The following ARHGAP6 variants were observed in gnomAD, a reference collection of about 807,000 sequenced individuals.
ARHGAP6 encodes the protein rho GTPase-activating protein 6.
A neutral mutation model predicts 55.7 loss-of-function variants in ARHGAP6; 16 were observed. That is an observed-to-expected ratio of 0.29 (90% CI 0.19 to 0.44). ARHGAP6 has a LOEUF of 0.44. Among genes scored for constraint, ARHGAP6 ranks in the 20% least tolerant of loss-of-function variants. The pLI is 1.00. For missense variants in ARHGAP6, 698 were observed against 808.9 expected (o/e 0.86, Z 1.66); for synonymous variants, 382 against 360.9 (o/e 1.06, Z -0.66).
At chrX:11,189,691 G>A (rs1234475008) in intron 3 of ARHGAP6, among the ~76,000 whole-genome samples, 1 of 111,998 alleles carries the variant, frequency 8.9e-6, no homozygotes, top group East Asian at 2.8e-4. Context: ...TCTGGTGGGA[G>A]GCCCAGGAAA....
intron 2 of ARHGAP6, among the ~76,000 whole-genome samples, chrX:11,225,283 G>A (rs1051117632): frequency 3.6e-5 from 4 of 110,842 alleles, no homozygotes; most frequent in African/African-American, 1.3e-4. Context: ...TCATCTATGT[G>A]CATACTGAAA....
intron 1 of ARHGAP6, among the ~76,000 whole-genome samples, chrX:11,502,566 C>G (rs2050689805): frequency 8.9e-6 from 1 of 112,020 alleles, no homozygotes; most frequent in Non-Finnish European, 1.9e-5. Flanking sequence ...TGATTTTCTC[C>G]TGCCTTTGCC....
chrX:11,344,372 T>C (rs1456627799), intron 1 of ARHGAP6, among the ~76,000 whole-genome samples: 1 of 110,976 alleles, frequency 9.0e-6, no homozygotes, highest in East Asian at 2.8e-4. Context: ...TACAGTAGAA[T>C]CAATTAATAC....
At chrX:11,385,236 C>G (rs187033624) in intron 1 of ARHGAP6, among the ~76,000 whole-genome samples, 1 of 111,373 alleles carries the variant, frequency 9.0e-6, no homozygotes, top group Non-Finnish European at 1.9e-5. Context: ...TCTATCATTT[C>G]TGTTTTCCTT....
chrX:11,609,891 C>A (rs762069186), intron 1 of ARHGAP6, among the ~76,000 whole-genome samples: 1 of 112,137 alleles, frequency 8.9e-6, no homozygotes, highest in East Asian at 2.8e-4. Flanking sequence ...CCAGGCTGGC[C>A]AACCCAGTGT....
intron 1 of ARHGAP6, among the ~76,000 whole-genome samples, chrX:11,340,468 G>A (rs1334632017): frequency 8.9e-6 from 1 of 111,737 alleles, no homozygotes; most frequent in Non-Finnish European, 1.9e-5. Flanking sequence ...AGTGGCTCGC[G>A]CCTGTAATCC....
At chrX:11,623,784 T>C (rs192696197) in intron 1 of ARHGAP6, among the ~76,000 whole-genome samples, 1,444 of 109,796 alleles carry the variant, frequency 0.013, 24 homozygotes, top group African/African-American at 0.045. Context: ...CAATAATTAA[T>C]ATTGTAAAAA....
At chrX:11,423,179 A>T (rs1249925410) in intron 1 of ARHGAP6, among the ~76,000 whole-genome samples, 1 of 112,810 alleles carries the variant, frequency 8.9e-6, no homozygotes, top group Non-Finnish European at 1.9e-5. Context: ...GTTTCCTAAG[A>T]TGTCTACACT....
chrX:11,297,242 G>A (rs2048101578), intron 1 of ARHGAP6, among the ~76,000 whole-genome samples: 1 of 111,940 alleles, frequency 8.9e-6, no homozygotes, highest in African/African-American at 3.3e-5. Flanking sequence ...TGTGTCTCTT[G>A]CTTGCCTCTG....
intron 1 of ARHGAP6, among the ~76,000 whole-genome samples, chrX:11,355,437 C>A (rs967000501): frequency 2.7e-5 from 3 of 112,279 alleles, no homozygotes; most frequent in African/African-American, 9.7e-5. Flanking sequence ...AAAGGCTGTG[C>A]AGTAATAGAA....
intron 2 of ARHGAP6, among the ~76,000 whole-genome samples, chrX:11,246,943 G>C (rs948675889): frequency 8.9e-6 from 1 of 111,974 alleles, no homozygotes; most frequent in Non-Finnish European, 1.9e-5. Context: ...TTCTGTCAAG[G>C]GTTGTTATAT....
chrX:11,206,628 T>C (rs1386254233), intron 2 of ARHGAP6, among the ~76,000 whole-genome samples: 1 of 111,522 alleles, frequency 9.0e-6, no homozygotes, highest in Non-Finnish European at 1.9e-5. Context: ...TAGAAAATTA[T>C]AGGTTTTGCC....
At chrX:11,539,936 A>G (rs2051140604) in intron 1 of ARHGAP6, among the ~76,000 whole-genome samples, 2 of 111,280 alleles carry the variant, frequency 1.8e-5, no homozygotes. Context: ...CCAGGGACAA[A>G]AAGTGAAACA....
At chrX:11,584,631 G>A (rs5978443) in intron 1 of ARHGAP6, among the ~76,000 whole-genome samples, 40,751 of 110,049 alleles carry the variant, frequency 0.37, 5,978 homozygotes, top group African/African-American at 0.55. Context: ...ACAGGCAGTC[G>A]TGTGTTGGAG....
Position 11,664,709 on chromosome X carries a change from C to T in ARHGAP6, c.120G>A (p.Pro40=), listed in dbSNP as rs932377391. The change falls in exon 1 of 13, where the codon CCG becomes CCA. Residue 40 remains proline (P), a synonymous_variant. Transcript: ENST00000337414. ...CGCTCCCGCAGCCGCCGATCAGGGCCGGGTCCAGGCTGCGGGTCTGGCGCA... is the reference window on the plus strand; with the variant it reads ...CGCTCCCGCAGCCGCCGATCAGGGCTGGGTCCAGGCTGCGGGTCTGGCGCA... ...RKLRQTRSLD[P]ALIGGCGSDE... 8.4e-7 allele frequency: 1 copy of T among 1,186,305 alleles called. No homozygotes were observed. The highest frequency in any genetic ancestry group is 1.1e-6 in the Non-Finnish European group (1 of 884,492).
At chrX:11,560,060 T>TA (rs1239867288) in intron 1 of ARHGAP6, among the ~76,000 whole-genome samples, 5 of 110,415 alleles carry the variant, frequency 4.5e-5, no homozygotes, top group Non-Finnish European at 9.5e-5. Context: ...TTCTCCATGC[T>TA]AAAAAAATAA....
intron 2 of ARHGAP6, among the ~76,000 whole-genome samples, chrX:11,229,410 C>T (rs1602920344): frequency 8.9e-6 from 1 of 111,996 alleles, no homozygotes; most frequent in Non-Finnish European, 1.9e-5. Context: ...TGATACCACC[C>T]CTCAGCATTG....
At chrX:11,498,291 C>G (rs2050643311) in intron 1 of ARHGAP6, among the ~76,000 whole-genome samples, 2 of 112,016 alleles carry the variant, frequency 1.8e-5, no homozygotes, top group Non-Finnish European at 3.8e-5. Flanking sequence ...CCTTAATAGA[C>G]ACCACTATAT....
chrX:11,465,963 TCTC>T (rs1359254798), intron 1 of ARHGAP6, among the ~76,000 whole-genome samples: 2 of 109,453 alleles, frequency 1.8e-5, no homozygotes, highest in African/African-American at 3.3e-5. Context: ...TCCTCTTCCT[TCTC>T]CTCCTCCTCT....
Sources: allele counts gnomAD v4.1 joint callset (sites outside exome capture counted in the v4.1 genomes callset), GRCh38; gene constraint gnomAD v4.1.1; transcripts MANE v1.5; gene names NCBI Gene and HGNC (gene_info 2026-07-23, HGNC 2026-07-21).